The following COL4A1 variants were observed in gnomAD, a reference collection of about 807,000 sequenced individuals.
The protein encoded by COL4A1 is collagen alpha-1(IV) chain.
COL4A1 carries 40 observed loss-of-function variants against 216.6 expected under a neutral mutation model. The observed-to-expected ratio is 0.18, with a 90% CI of 0.14 to 0.24. The LOEUF (loss-of-function observed/expected upper bound fraction) is 0.24, where lower values mean the gene tolerates loss of function less well. Ranked by LOEUF, COL4A1 falls within the 10% of genes least tolerant of loss-of-function variation. The pLI, the probability that COL4A1 is intolerant of heterozygous loss-of-function variation, is 1.00. For synonymous variants in COL4A1, 839 were observed against 810.7 expected (o/e 1.03, Z -0.59); for missense variants, 1,628 against 2,196.8 (o/e 0.74, Z 5.18).
chr13:110,183,891 G>T (rs539894730), intron 26 of COL4A1, among the ~76,000 whole-genome samples: 1 of 152,316 alleles, frequency 6.6e-6, no homozygotes, highest in African/African-American at 2.4e-5. Context: ...GAGTGTCAGG[G>T]TTTCGCTGTT....
chr13:110,161,445 C>G, intron 48 of COL4A1, 76 bp from the exon 49 acceptor site: 1 of 1,490,584 alleles, frequency 6.7e-7, no homozygotes, highest in Non-Finnish European at 9.1e-7. Flanking sequence ...TGGATTTCAG[C>G]TGGACAACAA....
chr13:110,187,601 T>G (rs942079781), intron 24 of COL4A1, among the ~76,000 whole-genome samples: 8 of 152,116 alleles, frequency 5.3e-5, no homozygotes, highest in African/African-American at 1.7e-4. Flanking sequence ...TAGTGTGGCT[T>G]TGGGCACCCA....
intron 1 of COL4A1, chr13:110,265,858 C>A (rs903519513): frequency 9.9e-5 from 15 of 152,202 alleles, no homozygotes; most frequent in Non-Finnish European, 2.2e-4. Context: ...ATCCCCAGCA[C>A]GAATTTCCAC....
At chr13:110,270,783 CTTAG>C (rs1325228631) in intron 1 of COL4A1, among the ~76,000 whole-genome samples, 2 of 152,316 alleles carry the variant, frequency 1.3e-5, no homozygotes, top group East Asian at 1.9e-4. Flanking sequence ...AGAATATAGC[CTTAG>C]TTAGGTCTAG....
intron 1 of COL4A1, among the ~76,000 whole-genome samples, chr13:110,245,267 G>A (rs545597771): frequency 4.2e-4 from 64 of 152,272 alleles, no homozygotes; most frequent in African/African-American, 1.4e-3. Flanking sequence ...CTGGAGTTTC[G>A]GGGCAGCCTC....
chr13:110,185,676 T>C (rs1878370563), intron 26 of COL4A1, among the ~76,000 whole-genome samples: 1 of 152,116 alleles, frequency 6.6e-6, no homozygotes, highest in African/African-American at 2.4e-5. Flanking sequence ...GATAATAAAC[T>C]ATTAGCACCT....
At chr13:110,176,112 G>A (rs1291638615) in intron 36 of COL4A1, among the ~76,000 whole-genome samples, 1 of 152,244 alleles carries the variant, frequency 6.6e-6, no homozygotes, top group African/African-American at 2.4e-5. Flanking sequence ...AAGCCTGGAT[G>A]GAGAAGCCGT....
chr13:110,243,356 T>C (rs1881648687), intron 1 of COL4A1, among the ~76,000 whole-genome samples: 1 of 152,140 alleles, frequency 6.6e-6, no homozygotes, highest in South Asian at 2.1e-4. Flanking sequence ...TTGCTTTTGT[T>C]GCCCAGGCTG....
At position 110,166,300 on chromosome 13, in the gene COL4A1, G is replaced by C. The variant is rs1210036342; in HGVS notation, c.3953C>G (p.Pro1318Arg). The C allele has an allele frequency of 1.2e-6, 2 of 1,605,712 alleles. No individual in the cohort carries two copies. Among genetic ancestry groups the C allele is most frequent in the Non-Finnish European group, 1.7e-6 (2 of 1,172,550 alleles). Residue 1318 changes from proline (P) to arginine (R), a missense_variant, in exon 45 of 52, where the codon CCA becomes CGA. This residue lies in a region of COL4A1 where 345 missense variants were observed against 476.9 expected (regional missense o/e 0.72). Transcript: ENST00000375820. Reference sequence around the variant, plus strand: ...TCCCTGGAGGCCAGGAAGACCTTTTGGACCTAAAAGCAGAGGGAAAGCACT... The same window carrying C: ...TCCCTGGAGGCCAGGAAGACCTTTTCGACCTAAAAGCAGAGGGAAAGCACT... ...GPPGVPGFQGPKGLPGLQGIK... is the reference protein window; with the variant it reads ...GPPGVPGFQGRKGLPGLQGIK...
At chr13:110,201,245 G>T (rs930347282) in intron 19 of COL4A1, 193 bp downstream of exon 19, 5 of 464,416 alleles carry the variant, frequency 1.1e-5, no homozygotes, top group Non-Finnish European at 1.9e-5. Context: ...GAGAGAAGGA[G>T]GAGGAGGAGG....
intron 2 of COL4A1, among the ~76,000 whole-genome samples, chr13:110,215,458 G>T (rs894110283): frequency 2.6e-5 from 4 of 151,860 alleles, no homozygotes; most frequent in Non-Finnish European, 5.9e-5. Context: ...TTACTCAGGA[G>T]GCTGAGGCTG....
Position 110,219,906 on chromosome 13 carries a change from A to ATATATGTGTGTATATATATGTATG in COL4A1, c.145-5915_145-5892dup, listed in dbSNP as rs1555308005. 8.2e-4 allele frequency among the ~76,000 whole-genome samples: 115 copies of ATATATGTGTGTATATATATGTATG among 139,868 alleles called. 1 individual carries two copies. The highest frequency in any genetic ancestry group is 1.3e-3 in the Non-Finnish European group (88 of 66,380). 91.8% of individuals were successfully genotyped at this position (139,868 alleles called of 152,430 possible). On this transcript the variant is annotated intron_variant, in intron 2 of 51. Coordinates refer to ENST00000375820, the MANE Select transcript of COL4A1 (RefSeq NM_001845.6). ...TATATATGTGTGTATATATATGTAT[A>ATATATGTGTGTATATATATGTATG]TATATGTGTGTATATATATGTATGT...
intron 2 of COL4A1, among the ~76,000 whole-genome samples, chr13:110,219,882 A>ATATG (rs1880367981): frequency 2.4e-5 from 3 of 122,996 alleles, no homozygotes; most frequent in Non-Finnish European, 5.0e-5. Flanking sequence ...ATATATGTAT[A>ATATG]TATATGTGTG....
Position 110,172,162 on chromosome 13 carries a change from G to A in COL4A1, c.3556+558C>T, listed in dbSNP as rs900562928. 1.9e-4 allele frequency among the ~76,000 whole-genome samples: 29 copies of A among 152,214 alleles called. 1 individual carries two copies. The highest frequency in any genetic ancestry group is 7.2e-4 in the Admixed American group (11 of 15,286). On this transcript the variant is annotated intron_variant, in intron 41 of 51. Coordinates refer to ENST00000375820, the MANE Select transcript of COL4A1 (RefSeq NM_001845.6). The stretch of plus-strand genomic sequence containing the variant: ...ATGCTGTGTGTGAGCTCCTGGCTGC[G>A]GCCACCTGTGGCTTCTCTTCAGTGT...
intron 1 of COL4A1, among the ~76,000 whole-genome samples, chr13:110,278,647 C>T (rs1883511936): frequency 6.6e-6 from 1 of 152,176 alleles, no homozygotes; most frequent in Admixed American, 6.5e-5. Context: ...ATTTTCCACA[C>T]ATAGTAAATG....
intron 28 of COL4A1, 115 bp from the exon 29 acceptor site, chr13:110,181,504 G>A (rs757860065): frequency 4.1e-4 from 458 of 1,114,862 alleles, no homozygotes; most frequent in Non-Finnish European, 5.7e-4. Flanking sequence ...ATCTGAGAAG[G>A]TCAACTGTGG....
chr13:110,212,680 G>C, intron 4 of COL4A1, 62 bp from the exon 5 acceptor site: 1 of 1,578,870 alleles, frequency 6.3e-7, no homozygotes, highest in East Asian at 2.2e-5. Flanking sequence ...TCCTCCTCCT[G>C]CATCTCCCCG....
intron 2 of COL4A1, among the ~76,000 whole-genome samples, chr13:110,218,524 T>C (rs1249773794): frequency 6.6e-6 from 1 of 152,178 alleles, no homozygotes; most frequent in African/African-American, 2.4e-5. Context: ...GGCAATGAAA[T>C]TGTTTTATTC....
intron 45 of COL4A1, among the ~76,000 whole-genome samples, chr13:110,165,618 C>T (rs1300147717): frequency 6.6e-6 from 1 of 151,824 alleles, no homozygotes; most frequent in African/African-American, 2.4e-5. Flanking sequence ...CCTCCCCTCT[C>T]CTTCCTTGGG....
Sources: allele counts gnomAD v4.1 joint callset (sites outside exome capture counted in the v4.1 genomes callset), GRCh38; gene constraint gnomAD v4.1.1; regional missense constraint gnomAD v4.1.1; transcripts MANE v1.5; gene names NCBI Gene and HGNC (gene_info 2026-07-23, HGNC 2026-07-21).